SLC13A3: variants seen among roughly 807,000 people sequenced by gnomAD.
SLC13A3 encodes solute carrier family 13 member 3, also known as Na(+)/dicarboxylate cotransporter 3.
Under a neutral mutation model 59.0 loss-of-function variants are expected in SLC13A3, and 40 were observed. The ratio of observed to expected loss-of-function variants is 0.68; its 90% confidence interval spans 0.53 to 0.88. The LOEUF (loss-of-function observed/expected upper bound fraction) is 0.88. Ranked by LOEUF, SLC13A3 falls within the 40% of genes least tolerant of loss-of-function variation. SLC13A3 has a pLI of 0.00. For synonymous variants in SLC13A3, 317 were observed against 330.3 expected, an observed-to-expected ratio of 0.96 and a Z score of 0.44; for missense variants, 699 against 783.2, an observed-to-expected ratio of 0.89 and a Z score of 1.28.
At chr20:46,653,573 T>A (rs1328171176), upstream of SLC13A3, among the ~76,000 whole-genome samples, 1 of 152,150 alleles carries the variant, frequency 6.6e-6, no homozygotes, top group Non-Finnish European at 1.5e-5. Context: ...TTGTCAGAAG[T>A]TTTACAGTTT....
Position 46,633,117 on chromosome 20 carries a change from C to T in SLC13A3, c.111+18194G>A, listed in dbSNP as rs1305069205. On this transcript the variant is annotated intron_variant, in intron 1 of 12. Transcript: ENST00000279027. ...CATCCCAATGATCCATAAGCTACTT[C>T]ACGTCCACCATTTGGGGATGAAGGT... Among the ~76,000 whole-genome samples the T allele has an allele frequency of 2.0e-5, 3 of 152,126 alleles. No homozygotes were observed. The South Asian group carries it at 6.2e-4, about 32-fold the overall frequency.
At chr20:46,632,902 TAGATAG>T (rs1568947551) in intron 1 of SLC13A3, among the ~76,000 whole-genome samples, 1 of 50,678 alleles carries the variant, frequency 2.0e-5, no homozygotes, top group African/African-American at 7.9e-5. Flanking sequence ...GATAGATAGA[TAGATAG>T]ATATATCTAT....
chr20:46,651,215 T>G (rs2122887460), intron 1 of SLC13A3, 96 bp downstream of exon 1: 1 of 1,383,272 alleles, frequency 7.2e-7, no homozygotes. Context: ...GGAGCCTGTC[T>G]ACACTGGGAC....
At chr20:46,682,610 T>C (rs992370325) in intron 1 of SLC13A3, among the ~76,000 whole-genome samples, 14 of 152,060 alleles carry the variant, frequency 9.2e-5, no homozygotes, top group African/African-American at 3.4e-4. Flanking sequence ...GGACTTAATT[T>C]CTCTGTGTCT....
At chr20:46,663,231 C>T (rs1002726710) in intron 1 of SLC13A3, among the ~76,000 whole-genome samples, 3 of 151,878 alleles carry the variant, frequency 2.0e-5, no homozygotes, top group African/African-American at 7.3e-5. Context: ...ACCGTTTGAG[C>T]TCAGGAGTTT....
chr20:46,633,845 A>C (rs1203402944), intron 1 of SLC13A3, among the ~76,000 whole-genome samples: 1 of 152,264 alleles, frequency 6.6e-6, no homozygotes, highest in Non-Finnish European at 1.5e-5. Flanking sequence ...TACTATGCTT[A>C]GGCACCAAGC....
intron 1 of SLC13A3, among the ~76,000 whole-genome samples, chr20:46,666,766 A>G (rs1233366873): frequency 6.6e-6 from 1 of 152,056 alleles, no homozygotes; most frequent in Non-Finnish European, 1.5e-5. Context: ...GGCCTCTCAA[A>G]GCGTTGGGAT....
At chr20:46,661,488 A>G (rs144622426) in intron 1 of SLC13A3, among the ~76,000 whole-genome samples, 38 of 152,262 alleles carry the variant, frequency 2.5e-4, no homozygotes, top group Admixed American at 6.5e-5. Flanking sequence ...CACTGGTGAG[A>G]TTTTAGGAAT....
chr20:46,564,065 G>A (rs2061958940), intron 11 of SLC13A3, among the ~76,000 whole-genome samples: 1 of 152,230 alleles, frequency 6.6e-6, no homozygotes, highest in African/African-American at 2.4e-5. Context: ...CCCCGGTGCT[G>A]CTGGTCTAAG....
In SLC13A3 at chr20:46,651,332, C is replaced by G; in HGVS notation, c.90G>C (p.Val30=). The G allele has an allele frequency of 6.6e-7, 1 of 1,514,854 alleles. No individual in the cohort carries two copies. The highest frequency in any genetic ancestry group is 8.8e-7 in the Non-Finnish European group (1 of 1,133,380). The allele number at this position is 1,514,854 out of a possible 1,614,324, so 93.8% of individuals were successfully genotyped here. ...LLFTPLALLP[V]VFALPPKEGR... is the part of the protein sequence containing the mutation. ...TTACCTTGGGCGGGAGGGCGAAGACCACCGGCAGCAGCGCGAGCGGCGTGA... is the reference window on the plus strand; with the variant it reads ...TTACCTTGGGCGGGAGGGCGAAGACGACCGGCAGCAGCGCGAGCGGCGTGA... Residue 30 remains valine, a synonymous_variant, in exon 1 of 13, where the codon GTG becomes GTC. Coordinates refer to ENST00000279027, the MANE Select transcript of SLC13A3 (RefSeq NM_022829.6).
In SLC13A3 at chr20:46,613,676, G is replaced by C. The variant is rs113419510; in HGVS notation, c.161C>G (p.Thr54Arg). The C allele has an allele frequency of 6.2e-7, 1 of 1,611,242 alleles. No individual in the cohort carries two copies. Among genetic ancestry groups the C allele is most frequent in the Non-Finnish European group, 8.5e-7 (1 of 1,178,944 alleles). ...VILLMAVYWC[T>R]EALPLSVTAL... ...CGTCACTGAGAGCGGCAGGGCCTCC[G>C]TGCACCAGTACACCGCCATGAGCAG... Residue 54 changes from threonine (T) to arginine (R), a missense_variant, in exon 2 of 13, where the codon ACG (threonine) becomes AGG (arginine). By Grantham distance (71) the Thr-to-Arg change is moderately conservative. Coordinates refer to ENST00000279027, the MANE Select transcript of SLC13A3 (RefSeq NM_022829.6).
chr20:46,584,478 C>A lies in SLC13A3; in HGVS notation c.1122-809G>T, dbSNP rs1254519274. The A allele has an allele frequency of 5.1e-6, 5 of 985,312 alleles. No homozygotes were observed. In the African/African-American group the frequency reaches 5.2e-5, roughly 10 times the overall value. 61.0% of individuals were successfully genotyped at this position (985,312 alleles called of 1,614,324 possible). ...GCTCCAAGTTCAACAAAGCCTAGAG[C>A]TCACTGCTAACCAAAGCTCTTTCCA... is the stretch of plus-strand genomic sequence containing the variant. On this transcript the variant is annotated intron_variant, in intron 8 of 12. Coordinates refer to ENST00000279027, the MANE Select transcript of SLC13A3 (RefSeq NM_022829.6).
chr20:46,621,278 G>A (rs1034755006), intron 1 of SLC13A3, among the ~76,000 whole-genome samples: 3 of 133,864 alleles, frequency 2.2e-5, no homozygotes, highest in African/African-American at 9.2e-5. Flanking sequence ...TTTTAATGGG[G>A]AATCATTAGG....
intron 11 of SLC13A3, among the ~76,000 whole-genome samples, chr20:46,565,767 C>G (rs1223588756): frequency 6.6e-6 from 1 of 152,120 alleles, no homozygotes; most frequent in Non-Finnish European, 1.5e-5. Flanking sequence ...TGAGCAGAGC[C>G]CAGGGATGCC....
At chr20:46,610,350 G>A (rs1239171875) in intron 3 of SLC13A3, 96 bp downstream of exon 3, 10 of 1,194,510 alleles carry the variant, frequency 8.4e-6, no homozygotes, top group Non-Finnish European at 1.2e-5. Flanking sequence ...CTCAATAAGT[G>A]TGCATGCCCT....
chr20:46,674,556 T>C (rs967325446), upstream of SLC13A3, among the ~76,000 whole-genome samples: 5 of 150,386 alleles, frequency 3.3e-5, no homozygotes, highest in African/African-American at 1.2e-4. Context: ...CTGTTTTGCC[T>C]CCAGCAGGGG....
chr20:46,659,126 A>T (rs930246846), intron 1 of SLC13A3, among the ~76,000 whole-genome samples: 1 of 152,108 alleles, frequency 6.6e-6, no homozygotes, highest in Non-Finnish European at 1.5e-5. Flanking sequence ...TGATATTTTA[A>T]TTGGAATGTC....
At chr20:46,626,839 C>T (rs1208903133) in intron 1 of SLC13A3, among the ~76,000 whole-genome samples, 1 of 152,154 alleles carries the variant, frequency 6.6e-6, no homozygotes, top group Non-Finnish European at 1.5e-5. Context: ...CAGGCCTTTT[C>T]CCCCGTCCAG....
intron 3 of SLC13A3, among the ~76,000 whole-genome samples, chr20:46,609,695 C>T (rs439339): frequency 0.71 from 108,218 of 152,150 alleles, 39,830 homozygotes; most frequent in African/African-American, 0.9. Flanking sequence ...TATAGAAGTA[C>T]ATGGTTCACT....
Sources: allele counts gnomAD v4.1 joint callset (sites outside exome capture counted in the v4.1 genomes callset), GRCh38; gene constraint gnomAD v4.1.1; transcripts MANE v1.5; gene names NCBI Gene and HGNC (gene_info 2026-07-23, HGNC 2026-07-21).